WWOX: variants seen among roughly 807,000 people sequenced by gnomAD.
The protein encoded by WWOX is WW domain containing oxidoreductase, also known as WW domain-containing oxidoreductase.
Under a neutral mutation model 46.2 loss-of-function variants are expected in WWOX, and 69 were observed. The observed-to-expected ratio is 1.49, with a 90% CI of 1.23 to 1.82. The LOEUF is 1.82. Among genes scored for constraint, WWOX ranks in the 40% most tolerant of loss-of-function variants. The pLI is 0.00. For missense variants in WWOX, 919 were observed against 542.6 expected (o/e 1.69, Z -6.89); for synonymous variants, 359 against 202.6 (o/e 1.77, Z -6.56).
chr16:78,923,641 A>T (rs1215383029), intron 8 of WWOX, among the ~76,000 whole-genome samples: 1 of 152,106 alleles, frequency 6.6e-6, no homozygotes, highest in Non-Finnish European at 1.5e-5. Flanking sequence ...TATGAATCAA[A>T]TAATATATGG....
At chr16:78,154,885 T>C (rs1346824102) in intron 4 of WWOX, among the ~76,000 whole-genome samples, 1 of 152,164 alleles carries the variant, frequency 6.6e-6, no homozygotes, top group Admixed American at 6.5e-5. Flanking sequence ...GTCATGTCTG[T>C]AGCAAGGATG....
intron 8 of WWOX, among the ~76,000 whole-genome samples, chr16:79,111,749 C>T (rs773644555): frequency 1.2e-4 from 19 of 152,220 alleles, no homozygotes; most frequent in Non-Finnish European, 2.2e-4. Context: ...TATTTAGGCT[C>T]ATCATATTAG....
At chr16:79,198,163 A>T (rs1308508961) in intron 8 of WWOX, among the ~76,000 whole-genome samples, 1 of 131,872 alleles carries the variant, frequency 7.6e-6, no homozygotes, top group South Asian at 2.3e-4. Context: ...CGTCTCTACT[A>T]AAAAAAAAAA....
chr16:78,452,522 G>A (rs2083717328), intron 8 of WWOX, among the ~76,000 whole-genome samples: 1 of 142,868 alleles, frequency 7.0e-6, no homozygotes, highest in Non-Finnish European at 1.5e-5. Context: ...TGTTGCCCAG[G>A]CTGGAGTGCA....
At chr16:78,577,761 G>T (rs1325885170) in intron 8 of WWOX, among the ~76,000 whole-genome samples, 1 of 152,152 alleles carries the variant, frequency 6.6e-6, no homozygotes, top group Non-Finnish European at 1.5e-5. Context: ...TCTTGCGGAA[G>T]GTGCCACTTT....
At chr16:78,727,860 A>G (rs1292502503) in intron 8 of WWOX, among the ~76,000 whole-genome samples, 3 of 152,024 alleles carry the variant, frequency 2.0e-5, no homozygotes, top group African/African-American at 7.2e-5. Flanking sequence ...ATATTTTGGT[A>G]TCAGGACTCT....
At position 78,738,827 on chromosome 16, in the gene WWOX, A is replaced by G. The variant is rs115636676; in HGVS notation, c.1056+306075A>G. On this transcript the variant is annotated intron_variant, in intron 8 of 8. Coordinates refer to ENST00000566780, the MANE Select transcript of WWOX (RefSeq NM_016373.4). ...AAAGCCACAGTCTCCTAGTCCTAAT[A>G]TTAAGAGGTAGGAGGTAGATAGAGA... Among the ~76,000 whole-genome samples the G allele has an allele frequency of 1.7e-3, 252 of 152,256 alleles. 1 individual carries two copies. Among genetic ancestry groups the G allele is most frequent in the African/African-American group, 5.9e-3 (245 of 41,556 alleles).
At chr16:78,919,673 A>C (rs1225296188) in intron 8 of WWOX, among the ~76,000 whole-genome samples, 1 of 151,508 alleles carries the variant, frequency 6.6e-6, no homozygotes, top group Non-Finnish European at 1.5e-5. Flanking sequence ...ACACACCACC[A>C]CACCTGGCTA....
intron 5 of WWOX, among the ~76,000 whole-genome samples, chr16:78,297,000 C>A (rs896134239): frequency 6.6e-6 from 1 of 152,128 alleles, no homozygotes; most frequent in Non-Finnish European, 1.5e-5. Context: ...TCCCCTTTCT[C>A]TTCTTATATT....
At chr16:78,895,541 A>G (rs1280223654) in intron 8 of WWOX, 3 of 152,202 alleles carry the variant, frequency 2.0e-5, no homozygotes, top group East Asian at 1.9e-4. Flanking sequence ...TCAAATTTAC[A>G]CTGTCCACAG....
At chr16:78,673,175 G>A (rs1489738298) in intron 8 of WWOX, among the ~76,000 whole-genome samples, 7 of 152,154 alleles carry the variant, frequency 4.6e-5, no homozygotes, top group Non-Finnish European at 1.0e-4. Flanking sequence ...GGGAGGCTGC[G>A]GCCCTGTGAG....
At chr16:78,397,391 G>T (rs1241666073) in intron 6 of WWOX, among the ~76,000 whole-genome samples, 2 of 152,168 alleles carry the variant, frequency 1.3e-5, no homozygotes, top group Non-Finnish European at 2.9e-5. Context: ...CTAAGAGTGG[G>T]TTAAAAAATG....
intron 8 of WWOX, among the ~76,000 whole-genome samples, chr16:79,111,245 A>C (rs564908783): frequency 1.6e-4 from 25 of 152,330 alleles, no homozygotes; most frequent in African/African-American, 5.5e-4. Context: ...CAGTTCAGGC[A>C]CTGAGACCCG....
intron 8 of WWOX, among the ~76,000 whole-genome samples, chr16:78,747,032 C>G (rs1041473958): frequency 6.6e-6 from 1 of 152,038 alleles, no homozygotes; most frequent in African/African-American, 2.4e-5. Context: ...AGTTTATTTC[C>G]TACCTCAAGT....
Position 78,875,611 on chromosome 16 carries a change from C to T in WWOX, c.1057-335997C>T, listed in dbSNP as rs566442467. 3.9e-5 allele frequency among the ~76,000 whole-genome samples: 6 copies of T among 152,246 alleles called. No homozygotes were observed. In the East Asian group the frequency reaches 7.7e-4, roughly 20 times the overall value. ...ATATCCCTTATCTCAAGGTGAGTAT[C>T]GTCAGAATCCCGGTACATTTCACCA... On this transcript the variant is annotated intron_variant, in intron 8 of 8. Transcript: ENST00000566780.
chr16:78,788,896 G>C (rs537657271), intron 8 of WWOX, among the ~76,000 whole-genome samples: 10 of 152,334 alleles, frequency 6.6e-5, no homozygotes, highest in Admixed American at 5.9e-4. Flanking sequence ...AGGACTCCCA[G>C]CTGCTGTCCC....
chr16:79,013,783 A>AT (rs1220524744), intron 8 of WWOX, among the ~76,000 whole-genome samples: 2 of 152,066 alleles, frequency 1.3e-5, no homozygotes, highest in Non-Finnish European at 2.9e-5. Context: ...ATTTCTTCTT[A>AT]TTTTTTTAGC....
intron 8 of WWOX, among the ~76,000 whole-genome samples, chr16:78,726,666 T>TTG (rs1158563510): frequency 6.6e-6 from 1 of 152,088 alleles, no homozygotes; most frequent in African/African-American, 2.4e-5. Context: ...AACAATTTAT[T>TTG]AGGGCTTTAT....
chr16:79,022,161 G>A (rs907115424), intron 8 of WWOX, among the ~76,000 whole-genome samples: 2 of 152,168 alleles, frequency 1.3e-5, no homozygotes, highest in African/African-American at 4.8e-5. Context: ...ATTTGCTTTT[G>A]CTGGTGAAGG....
Sources: allele counts gnomAD v4.1 joint callset (sites outside exome capture counted in the v4.1 genomes callset), GRCh38; gene constraint gnomAD v4.1.1; transcripts MANE v1.5; gene names NCBI Gene and HGNC (gene_info 2026-07-23, HGNC 2026-07-21).